Variants in GNG12 observed in about 807,000 individuals in gnomAD.
The protein encoded by GNG12 is G protein subunit gamma 12, also known as guanine nucleotide-binding protein G(I)/G(S)/G(O) subunit gamma-12.
For synonymous variants in GNG12, 28 were observed against 29.7 expected (o/e 0.94, Z 0.19); for missense variants, 69 against 83.8 (o/e 0.82, Z 0.69).
chr1:67,745,141 A>C (rs980883760), intron 2 of GNG12, among the ~76,000 whole-genome samples: 1 of 152,236 alleles, frequency 6.6e-6, no homozygotes, highest in Non-Finnish European at 1.5e-5. Flanking sequence ...GAAATAAATA[A>C]AAATGTAAAA....
chr1:67,745,441 G>A (rs1646502698), intron 2 of GNG12, among the ~76,000 whole-genome samples: 1 of 152,222 alleles, frequency 6.6e-6, no homozygotes. Flanking sequence ...CTGCCCCGGT[G>A]ACCAGGCAGC....
intron 1 of GNG12, among the ~76,000 whole-genome samples, chr1:67,806,108 G>A (rs1002024196): frequency 6.6e-6 from 1 of 151,972 alleles, no homozygotes; most frequent in Non-Finnish European, 1.5e-5. Context: ...AGGGAATCTG[G>A]TGCCAGTAGA....
intron 1 of GNG12, among the ~76,000 whole-genome samples, chr1:67,806,673 A>G (rs1646896063): frequency 6.6e-6 from 1 of 152,322 alleles, no homozygotes; most frequent in African/African-American, 2.4e-5. Flanking sequence ...AAGGAAAGTT[A>G]CTAGGAATAA....
intron 2 of GNG12, among the ~76,000 whole-genome samples, chr1:67,712,056 C>T (rs28435277): frequency 0.074 from 11,290 of 152,222 alleles, 447 homozygotes; most frequent in African/African-American, 0.09. Context: ...GACTTCCTTC[C>T]GACTTGCAGC....
intron 1 of GNG12, among the ~76,000 whole-genome samples, chr1:67,800,843 CT>C (rs11331733): frequency 0.099 from 15,063 of 152,152 alleles, 883 homozygotes; most frequent in African/African-American, 0.11. Flanking sequence ...ACCTTGTGAA[CT>C]CCTTGAAAGG....
intron 1 of GNG12, among the ~76,000 whole-genome samples, chr1:67,797,740 A>C (rs1388783665): frequency 6.6e-6 from 1 of 152,198 alleles, no homozygotes; most frequent in Non-Finnish European, 1.5e-5. Flanking sequence ...AAAAATAACC[A>C]TCAGTCCAAT....
At chr1:67,748,811 A>G (rs898050869) in intron 2 of GNG12, among the ~76,000 whole-genome samples, 5 of 152,192 alleles carry the variant, frequency 3.3e-5, no homozygotes, top group African/African-American at 1.2e-4. Flanking sequence ...TGGAGGCAGG[A>G]CTGCCCCTTT....
chr1:67,743,618 T>C (rs993953062), intron 2 of GNG12, among the ~76,000 whole-genome samples: 5 of 152,148 alleles, frequency 3.3e-5, no homozygotes, highest in African/African-American at 9.7e-5. Context: ...CTGCCTCCAT[T>C]TGAATTTGCT....
intron 1 of GNG12, among the ~76,000 whole-genome samples, chr1:67,786,987 ATG>A (rs1646772902): frequency 1.0e-5 from 1 of 97,832 alleles, no homozygotes; most frequent in African/African-American, 3.9e-5. Context: ...GTGTGTGTGT[ATG>A]TATATATATG....
chr1:67,711,230 AT>A (rs916860638), intron 2 of GNG12, among the ~76,000 whole-genome samples: 18 of 152,340 alleles, frequency 1.2e-4, no homozygotes, highest in African/African-American at 3.8e-4. Flanking sequence ...GGTAACTGTG[AT>A]TGCAGGGGAA....
Position 67,728,120 on chromosome 1 carries a change from A to C in GNG12, c.-26-20408T>G, listed in dbSNP as rs564348158. 3.3e-5 allele frequency among the ~76,000 whole-genome samples: 5 copies of C among 152,304 alleles called. No homozygotes were observed. The South Asian group carries it at 1.0e-3, about 32-fold the overall frequency. ...GGCAAAATGAAAGACAGAAATCACA[A>C]AGCCACCAGAAGATGGATCCCTAAC... On this transcript the variant is annotated intron_variant, in intron 2 of 3. Transcript: ENST00000370982.
chr1:67,799,159 CA>C (rs1266832480), intron 1 of GNG12, among the ~76,000 whole-genome samples: 1 of 152,036 alleles, frequency 6.6e-6, no homozygotes, highest in African/African-American at 2.4e-5. Flanking sequence ...TTTGAAGAGC[CA>C]AAAGTTATAC....
chr1:67,810,255 G>C (rs1050525070), intron 1 of GNG12, among the ~76,000 whole-genome samples: 1 of 152,198 alleles, frequency 6.6e-6, no homozygotes. Flanking sequence ...GGTTAGGAGG[G>C]AGAGAGGAAT....
At chr1:67,830,074 C>T (rs918860414) in intron 1 of GNG12, among the ~76,000 whole-genome samples, 5 of 146,156 alleles carry the variant, frequency 3.4e-5, no homozygotes, top group African/African-American at 5.1e-5. Context: ...GGCACGATCT[C>T]GATTCACCGC....
At chr1:67,765,107 AAT>A (rs1451982964) in intron 2 of GNG12, among the ~76,000 whole-genome samples, 7 of 152,318 alleles carry the variant, frequency 4.6e-5, no homozygotes, top group African/African-American at 1.4e-4. Flanking sequence ...GAATATTATC[AAT>A]AGTCATTAGA....
chr1:67,802,489 G>T (rs1646872177), intron 1 of GNG12, among the ~76,000 whole-genome samples: 1 of 152,164 alleles, frequency 6.6e-6, no homozygotes, highest in East Asian at 1.9e-4. Flanking sequence ...CCAGACTTCT[G>T]CATGCTCTGC....
At chr1:67,807,964 A>G (rs769881349) in intron 1 of GNG12, among the ~76,000 whole-genome samples, 1 of 152,106 alleles carries the variant, frequency 6.6e-6, no homozygotes, top group Non-Finnish European at 1.5e-5. Flanking sequence ...TCATTCTATG[A>G]GGCTAACACT....
At chr1:67,793,980 G>A (rs1043871055) in intron 1 of GNG12, among the ~76,000 whole-genome samples, 3 of 152,100 alleles carry the variant, frequency 2.0e-5, no homozygotes, top group African/African-American at 7.2e-5. Flanking sequence ...CATCCAAAAC[G>A]GAGGAGGGGG....
intron 1 of GNG12, among the ~76,000 whole-genome samples, chr1:67,794,394 G>T (rs1281016161): frequency 6.6e-6 from 1 of 152,162 alleles, no homozygotes; most frequent in South Asian, 2.1e-4. Context: ...AAAAGCCAGG[G>T]GTAGTGTGAT....
Sources: gnomAD v4.1 joint callset for allele counts (sites outside exome capture counted in the v4.1 genomes callset) on GRCh38, gnomAD v4.1.1 for gene constraint, MANE v1.5 for transcripts, NCBI Gene and HGNC (gene_info 2026-07-23, HGNC 2026-07-21) for gene names.